The following MCF2L2 variants were observed in gnomAD, a reference collection of about 807,000 sequenced individuals.
The protein encoded by MCF2L2 is MCF.2 cell line derived transforming sequence-like 2, also known as probable guanine nucleotide exchange factor MCF2L2.
In MCF2L2, 102 loss-of-function variants were observed where a neutral mutation model predicts 150.2. The ratio of observed to expected loss-of-function variants is 0.68; its 90% CI spans 0.58 to 0.80. MCF2L2 has a LOEUF of 0.80. MCF2L2 is among the 30% of genes least tolerant of loss of function. The pLI is 0.00. For missense variants in MCF2L2, 1,256 were observed against 1,372.8 expected, an observed-to-expected ratio of 0.91 and a Z score of 1.34; for synonymous variants, 465 against 491.3, an observed-to-expected ratio of 0.95 and a Z score of 0.71.
At chr3:183,403,391 T>C (rs1342295184) in intron 1 of MCF2L2, among the ~76,000 whole-genome samples, 1 of 152,146 alleles carries the variant, frequency 6.6e-6, no homozygotes, top group Non-Finnish European at 1.5e-5. Flanking sequence ...GAGAGTGAGA[T>C]TGTATTATCC....
chr3:183,276,884 A>G lies in MCF2L2; in HGVS notation c.1850T>C (p.Leu617Pro), dbSNP rs749557610. Reference sequence around the variant, plus strand: ...TGTGCAGTCTTACCTGCGGGGGGAAAGGTCTCCGAGCCTGGCCTGCTGCTC... The same window carrying G: ...TGTGCAGTCTTACCTGCGGGGGGAAGGGTCTCCGAGCCTGGCCTGCTGCTC... Reference protein sequence around the residue: ...ELEQQARLGDLSPRRRIIRDL... With the variant: ...ELEQQARLGDPSPRRRIIRDL... The change falls in exon 15 of 30, where the codon CTT (leucine) becomes CCT (proline). Residue 617 changes from leucine (L) to proline (P), a missense_variant. Physicochemically the swap from Leu to Pro is moderately conservative, Grantham distance 98. Coordinates refer to ENST00000328913, the MANE Select transcript of MCF2L2 (RefSeq NM_015078.4). 9 of 1,608,850 alleles carry G rather than the reference A, an allele frequency of 5.6e-6. No individual in the cohort carries two copies. Among genetic ancestry groups the G allele is most frequent in the South Asian group, 3.3e-5 (3 of 89,912 alleles).
At chr3:183,206,080 G>A (rs757869528) in intron 24 of MCF2L2, 42 bp downstream of exon 24, 2 of 1,583,736 alleles carry the variant, frequency 1.3e-6, no homozygotes, top group South Asian at 1.1e-5. Context: ...AACACAATAA[G>A]GAAAGAGTAG....
At chr3:183,363,755 G>T (rs371475753) in intron 3 of MCF2L2, among the ~76,000 whole-genome samples, 1 of 152,010 alleles carries the variant, frequency 6.6e-6, no homozygotes, top group Non-Finnish European at 1.5e-5. Flanking sequence ...TTAAACAGGA[G>T]ATTTTAATAT....
chr3:183,425,541 G>A (rs80246853), intron 1 of MCF2L2, among the ~76,000 whole-genome samples: 3,253 of 152,194 alleles, frequency 0.021, 110 homozygotes, highest in African/African-American at 0.075. Context: ...AGCTCCACTG[G>A]CTACCCAAAG....
chr3:183,381,084 C>T lies in MCF2L2; in HGVS notation c.161-1673G>A, dbSNP rs1030189027. ...ATTGAGAGGGTTTGGGAACCTCTGCCCTAGCCAGTAGTATAGGAGCTTAAG... is the reference window on the plus strand; with the variant it reads ...ATTGAGAGGGTTTGGGAACCTCTGCTCTAGCCAGTAGTATAGGAGCTTAAG... On this transcript the variant is annotated intron_variant, in intron 2 of 29. Coordinates refer to ENST00000328913, the MANE Select transcript of MCF2L2 (RefSeq NM_015078.4). Among the ~76,000 whole-genome samples the T allele has an allele frequency of 9.9e-5, 15 of 152,208 alleles. No individual in the cohort carries two copies. The South Asian group carries it at 1.2e-3, about 13-fold the overall frequency.
intron 23 of MCF2L2, among the ~76,000 whole-genome samples, 157 bp from the exon 24 acceptor site, chr3:183,206,371 A>G (rs771525873): frequency 4.6e-5 from 7 of 152,210 alleles, no homozygotes; most frequent in Non-Finnish European, 8.8e-5. Context: ...CCAAGACAGC[A>G]TAAAACACAA....
intron 3 of MCF2L2, among the ~76,000 whole-genome samples, chr3:183,350,522 T>C (rs1731070130): frequency 6.6e-6 from 1 of 152,202 alleles, no homozygotes; most frequent in Non-Finnish European, 1.5e-5. Flanking sequence ...AGGTTGGTGA[T>C]AACATTTTCA....
At chr3:183,310,677 G>A in intron 9 of MCF2L2, 2 of 473,796 alleles carry the variant, frequency 4.2e-6, no homozygotes, top group Non-Finnish European at 3.8e-6. Flanking sequence ...AAAAAAGGAA[G>A]ATAAACCATC....
chr3:183,243,559 G>A (rs1724124217), intron 15 of MCF2L2, among the ~76,000 whole-genome samples: 1 of 152,196 alleles, frequency 6.6e-6, no homozygotes, highest in Admixed American at 6.5e-5. Flanking sequence ...CTGGGAGTTA[G>A]AATCCCTAAG....
chr3:183,373,441 A>T (rs1381856217), intron 3 of MCF2L2: 1 of 152,230 alleles, frequency 6.6e-6, no homozygotes, highest in Non-Finnish European at 1.5e-5. Flanking sequence ...GAACTGTGAT[A>T]GCAAAAGTAA....
At chr3:183,387,106 AT>A (rs368152690) in intron 2 of MCF2L2, among the ~76,000 whole-genome samples, 1 of 151,938 alleles carries the variant, frequency 6.6e-6, no homozygotes, top group South Asian at 2.1e-4. Context: ...AAATTTAAAA[AT>A]TTTGGGCATG....
intron 1 of MCF2L2, among the ~76,000 whole-genome samples, chr3:183,404,145 T>G (rs1404297090): frequency 6.6e-6 from 1 of 152,098 alleles, no homozygotes; most frequent in Non-Finnish European, 1.5e-5. Context: ...TTTAAAAAAT[T>G]TATGCACAAA....
chr3:183,255,807 T>TAAA (rs543086878), intron 15 of MCF2L2, among the ~76,000 whole-genome samples: 25 of 134,418 alleles, frequency 1.9e-4, no homozygotes, highest in African/African-American at 6.4e-4. Flanking sequence ...GGTGAGATTG[T>TAAA]AAAAAAAAAA....
chr3:183,180,273 A>G (rs1721473257), intron 27 of MCF2L2, 114 bp from the exon 28 acceptor site: 2 of 720,638 alleles, frequency 2.8e-6, no homozygotes, highest in Middle Eastern at 3.9e-4. Flanking sequence ...CCCCATCTCT[A>G]ACTCCTGCTC....
chr3:183,179,488 G>T lies in MCF2L2; in HGVS notation c.3237C>A (p.Thr1079=). The change falls in exon 30 of 30, where the codon ACC becomes ACA. Residue 1079 remains threonine (T), a synonymous_variant. Transcript: ENST00000328913. The surrounding 1 kb of genome is among the most constrained non-coding windows in gnomAD (Gnocchi z 4.2). ...TGGACGCCCCAGCGCGCTCCTCCTCGGTGCTGCGGGTCGCCCTGCAATTCC... is the reference window on the plus strand; with the variant it reads ...TGGACGCCCCAGCGCGCTCCTCCTCTGTGCTGCGGGTCGCCCTGCAATTCC... ...RDEEETATRS[T]EEERAGASTG... is the part of the protein sequence containing the mutation. 1 of 1,607,488 alleles carries T rather than the reference G, an allele frequency of 6.2e-7. No homozygotes were observed. The highest frequency in any genetic ancestry group is 8.5e-7 in the Non-Finnish European group (1 of 1,176,320).
intron 4 of MCF2L2, 99 bp from the exon 5 acceptor site, chr3:183,339,018 G>T: frequency 8.0e-7 from 1 of 1,249,040 alleles, no homozygotes; most frequent in Non-Finnish European, 1.1e-6. Context: ...TAAGATCACA[G>T]AAGGAAAAGT....
chr3:183,270,658 G>A lies in MCF2L2; in HGVS notation c.1862+6214C>T. The A allele has an allele frequency of 1.9e-6, 3 of 1,614,136 alleles. No individual in the cohort carries two copies. The highest frequency in any genetic ancestry group is 2.5e-6 in the Non-Finnish European group (3 of 1,180,022). On this transcript the variant is annotated intron_variant, in intron 15 of 29. Coordinates refer to ENST00000328913, the MANE Select transcript of MCF2L2 (RefSeq NM_015078.4). This position sits in a 1 kb window ranked among gnomAD's most constrained non-coding sequence, Gnocchi z 4.5. ...CTTTACATAGACGATGTGTTCATGG[G>A]CCTCTGTGCCAATAAAATAGGGATA...
intron 10 of MCF2L2, among the ~76,000 whole-genome samples, chr3:183,303,415 GC>G (rs997902820): frequency 6.6e-6 from 1 of 152,148 alleles, no homozygotes; most frequent in Admixed American, 6.5e-5. Context: ...GAGCCCATGA[GC>G]CCCCTTGCCA....
At chr3:183,371,398 AG>A (rs1042116873) in intron 3 of MCF2L2, among the ~76,000 whole-genome samples, 1 of 148,526 alleles carries the variant, frequency 6.7e-6, no homozygotes, top group Non-Finnish European at 1.5e-5. Context: ...TCCACGGGTG[AG>A]GGGGGTTTCC....
Sources: gnomAD v4.1 joint callset for allele counts (sites outside exome capture counted in the v4.1 genomes callset) on GRCh38, gnomAD v4.1.1 for gene constraint, Gnocchi (gnomAD v3.1) non-coding constraint, MANE v1.5 for transcripts, NCBI Gene and HGNC (gene_info 2026-07-23, HGNC 2026-07-21) for gene names.